The following SLIT2 variants were observed in gnomAD, a reference collection of about 807,000 sequenced individuals.
SLIT2 encodes the protein slit homolog 2 protein.
SLIT2 carries 41 observed loss-of-function variants against 185.7 expected under a neutral mutation model. The observed-to-expected ratio is 0.22, with a 90% CI of 0.17 to 0.29. The LOEUF (loss-of-function observed/expected upper bound fraction) is 0.29, where lower values mean the gene tolerates loss of function less well. SLIT2 is among the 10% of genes least tolerant of loss of function. SLIT2 has a pLI of 1.00. For missense variants in SLIT2, 1,571 were observed against 1,909.0 expected, an observed-to-expected ratio of 0.82 and a Z score of 3.30; for synonymous variants, 693 against 680.2, an observed-to-expected ratio of 1.02 and a Z score of -0.29.
intron 4 of SLIT2, among the ~76,000 whole-genome samples, chr4:20,412,930 A>G (rs1727371722): frequency 6.6e-6 from 1 of 152,012 alleles, no homozygotes; most frequent in Admixed American, 6.6e-5. Context: ...TTCTTTTTCA[A>G]GTTTGTTTTG....
At chr4:20,391,492 A>G (rs923352751) in intron 4 of SLIT2, among the ~76,000 whole-genome samples, 13 of 152,246 alleles carry the variant, frequency 8.5e-5, no homozygotes, top group African/African-American at 3.1e-4. Context: ...ATATTGTTCA[A>G]CAGATAATTT....
chr4:20,252,294 G>A lies in SLIT2; in HGVS notation c.-1522G>A, dbSNP rs954658384. ...TCCTATTGTTTAGACACTTGCCAGG[G>A]GCTCCGGAGTCGGCAGAGCCACCGA... On this transcript the variant is annotated 5_prime_UTR_variant, in exon 1 of 37. Transcript: ENST00000504154. Among the ~76,000 whole-genome samples, 2 of 152,182 alleles carry A rather than the reference G, an allele frequency of 1.3e-5. No homozygotes were observed. Among genetic ancestry groups the A allele is most frequent in the Non-Finnish European group, 2.9e-5 (2 of 68,030 alleles).
intron 4 of SLIT2, among the ~76,000 whole-genome samples, chr4:20,361,031 A>G (rs1325409210): frequency 1.3e-5 from 2 of 152,196 alleles, no homozygotes; most frequent in African/African-American, 2.4e-5. Flanking sequence ...TGATTAACAA[A>G]TTATAATCAG....
At chr4:20,450,166 T>G (rs1374793172) in intron 4 of SLIT2, among the ~76,000 whole-genome samples, 1 of 152,206 alleles carries the variant, frequency 6.6e-6, no homozygotes, top group African/African-American at 2.4e-5. Flanking sequence ...TGATGATGCT[T>G]CTTTTATCTT....
At chr4:20,463,688 C>A (rs1156735919) in intron 4 of SLIT2, among the ~76,000 whole-genome samples, 1 of 150,112 alleles carries the variant, frequency 6.7e-6, no homozygotes, top group Non-Finnish European at 1.5e-5. Context: ...TCCTGGCTAA[C>A]AAGGCAAAAC....
At chr4:20,356,613 C>G (rs1460982201) in intron 4 of SLIT2, among the ~76,000 whole-genome samples, 3 of 152,176 alleles carry the variant, frequency 2.0e-5, no homozygotes, top group Non-Finnish European at 4.4e-5. Flanking sequence ...GCTTATTTCT[C>G]CAGTATTTCT....
At chr4:20,575,830 A>G (rs1726043852) in intron 29 of SLIT2, among the ~76,000 whole-genome samples, 1 of 152,016 alleles carries the variant, frequency 6.6e-6, no homozygotes, top group Admixed American at 6.6e-5. Flanking sequence ...TGCCTGTACA[A>G]TTAATGAATA....
intron 4 of SLIT2, among the ~76,000 whole-genome samples, chr4:20,367,755 G>T (rs1240519755): frequency 1.3e-5 from 2 of 152,092 alleles, no homozygotes; most frequent in Admixed American, 1.3e-4. Flanking sequence ...AGTGTTTGGG[G>T]TGAGGAGAGA....
chr4:20,256,627 A>G (rs1164787485), intron 1 of SLIT2, 45 bp from the exon 2 acceptor site: 3 of 964,772 alleles, frequency 3.1e-6, no homozygotes, highest in South Asian at 2.9e-5. Flanking sequence ...AAGCAGGTAA[A>G]CATAGAAATA....
In SLIT2 at chr4:20,560,897, A is replaced by T. The variant is rs185655683; in HGVS notation, c.2726-6365A>T. 2.5e-3 allele frequency among the ~76,000 whole-genome samples: 374 copies of T among 152,058 alleles called. 5 individuals are homozygous for T. Among genetic ancestry groups the T allele is most frequent in the African/African-American group, 8.3e-3 (345 of 41,450 alleles). On this transcript the variant is annotated intron_variant, in intron 26 of 36. Coordinates refer to ENST00000504154, the MANE Select transcript of SLIT2 (RefSeq NM_004787.4). ...GGTGATAAGAATACAACAATAAACA[A>T]TTCAGAGTAAAACCTCTGTCCTCAT...
intron 5 of SLIT2, among the ~76,000 whole-genome samples, chr4:20,479,097 T>G (rs1403371261): frequency 1.3e-5 from 2 of 152,212 alleles, no homozygotes; most frequent in African/African-American, 4.8e-5. Flanking sequence ...GGCAATAAAA[T>G]TGTATCTTCT....
intron 12 of SLIT2, among the ~76,000 whole-genome samples, chr4:20,521,049 C>G (rs1720795161): frequency 6.6e-6 from 1 of 152,206 alleles, no homozygotes; most frequent in Non-Finnish European, 1.5e-5. Context: ...CACCTCTCTG[C>G]CATTCTTCCA....
chr4:20,602,637 T>C (rs765867744), intron 33 of SLIT2, among the ~76,000 whole-genome samples: 1 of 152,178 alleles, frequency 6.6e-6, no homozygotes, highest in Admixed American at 6.5e-5. Context: ...AAAATTTGCA[T>C]TTTTAACAAG....
intron 4 of SLIT2, among the ~76,000 whole-genome samples, chr4:20,386,837 A>G (rs1724971896): frequency 6.6e-6 from 1 of 152,232 alleles, no homozygotes; most frequent in Non-Finnish European, 1.5e-5. Context: ...TCTAACTGGA[A>G]GAACGGAATT....
At chr4:20,548,780 T>C (rs188431434) in intron 23 of SLIT2, among the ~76,000 whole-genome samples, 3 of 152,030 alleles carry the variant, frequency 2.0e-5, no homozygotes, top group Admixed American at 6.6e-5. Flanking sequence ...GTGGGGGGCT[T>C]AGGGGAGATC....
chr4:20,315,413 G>C (rs1718489672), intron 4 of SLIT2, among the ~76,000 whole-genome samples: 2 of 152,110 alleles, frequency 1.3e-5, no homozygotes, highest in South Asian at 4.1e-4. Flanking sequence ...AGATATCTGT[G>C]ATATCTTAAG....
Position 20,257,906 on chromosome 4 carries a change from G to C in SLIT2, c.290G>C (p.Gly97Ala). 1 of 1,571,934 alleles carries C rather than the reference G, an allele frequency of 6.4e-7. No homozygotes were observed. Among genetic ancestry groups the C allele is most frequent in the South Asian group, 1.1e-5 (1 of 89,304 alleles). The change falls in exon 3 of 37, where the codon GGA (glycine) becomes GCA (alanine). Residue 97 changes from glycine (G) to alanine (A), a missense_variant. By Grantham distance (60) the Gly-to-Ala change is moderately conservative. Coordinates refer to ENST00000504154, the MANE Select transcript of SLIT2 (RefSeq NM_004787.4). ...AATAAGATTAGCACCATTGAAAGAG[G>C]AGCATTCCAGGATCTTAAAGAACTA... is the stretch of plus-strand genomic sequence containing the variant. ...MENKISTIER[G>A]AFQDLKELER...
chr4:20,468,881 C>T (rs1714657407), intron 5 of SLIT2, among the ~76,000 whole-genome samples: 1 of 147,948 alleles, frequency 6.8e-6, no homozygotes, highest in Non-Finnish European at 1.5e-5. Flanking sequence ...AAAAGTAAGA[C>T]AGATGTTTTC....
intron 4 of SLIT2, among the ~76,000 whole-genome samples, chr4:20,404,452 G>C (rs1007987074): frequency 4.0e-5 from 6 of 151,894 alleles, no homozygotes; most frequent in Non-Finnish European, 8.8e-5. Flanking sequence ...TTAATTCTCC[G>C]AGTTTCATAA....
Sources: allele counts gnomAD v4.1 joint callset (sites outside exome capture counted in the v4.1 genomes callset), GRCh38; gene constraint gnomAD v4.1.1; transcripts MANE v1.5; gene names NCBI Gene and HGNC (gene_info 2026-07-23, HGNC 2026-07-21).